SORCS1: variants seen among roughly 807,000 people sequenced by gnomAD.
SORCS1 encodes VPS10 domain-containing receptor SorCS1.
In SORCS1, 60 loss-of-function variants were observed where a neutral mutation model predicts 146.1. The observed-to-expected ratio is 0.41, with a 90% CI of 0.33 to 0.51. The LOEUF (loss-of-function observed/expected upper bound fraction) is 0.51. SORCS1 is among the 20% of genes least tolerant of loss of function. SORCS1 has a pLI of 0.21. For missense variants in SORCS1, 1,352 were observed against 1,487.6 expected, an observed-to-expected ratio of 0.91 and a Z score of 1.50; for synonymous variants, 637 against 584.0, an observed-to-expected ratio of 1.09 and a Z score of -1.31.
At chr10:106,786,620 G>A (rs1014989410) in intron 3 of SORCS1, among the ~76,000 whole-genome samples, 18 of 151,942 alleles carry the variant, frequency 1.2e-4, no homozygotes, top group African/African-American at 4.3e-4. Flanking sequence ...CAGACTTAAT[G>A]GGAGGAAAAA....
intron 24 of SORCS1, among the ~76,000 whole-genome samples, chr10:106,585,831 G>A (rs1845199384): frequency 6.6e-6 from 1 of 152,164 alleles, no homozygotes; most frequent in Non-Finnish European, 1.5e-5. Context: ...AACAGTCAAA[G>A]GATGAAAGGC....
intron 2 of SORCS1, among the ~76,000 whole-genome samples, chr10:106,889,427 C>A (rs1298211934): frequency 6.6e-6 from 1 of 152,108 alleles, no homozygotes; most frequent in African/African-American, 2.4e-5. Flanking sequence ...CCATCCATAA[C>A]AAAAGAGAGC....
intron 1 of SORCS1, among the ~76,000 whole-genome samples, chr10:107,136,983 C>T (rs973379550): frequency 6.6e-6 from 1 of 152,196 alleles, no homozygotes; most frequent in Non-Finnish European, 1.5e-5. Flanking sequence ...CTAGCCCCTA[C>T]TCTAGATAAA....
chr10:107,172,186 T>C, the SORCS1 span, among the ~76,000 whole-genome samples: 2 of 152,232 alleles, frequency 1.3e-5, no homozygotes, highest in Non-Finnish European at 2.9e-5. Flanking sequence ...AACTCACTGA[T>C]ACTTCTAGAT....
chr10:107,025,978 C>G (rs1438509653), intron 1 of SORCS1, among the ~76,000 whole-genome samples: 1 of 152,164 alleles, frequency 6.6e-6, no homozygotes, highest in Non-Finnish European at 1.5e-5. Context: ...AGCCTCCCTT[C>G]ACACAACACA....
chr10:107,129,555 A>G (rs561887508), intron 1 of SORCS1, among the ~76,000 whole-genome samples: 1 of 152,324 alleles, frequency 6.6e-6, no homozygotes, highest in South Asian at 2.1e-4. Context: ...TTAATGTCTT[A>G]ATTAGGAAAA....
chr10:106,814,208 C>T (rs1274795178), intron 3 of SORCS1, among the ~76,000 whole-genome samples: 1 of 152,190 alleles, frequency 6.6e-6, no homozygotes, highest in Non-Finnish European at 1.5e-5. Context: ...AAATGACAAG[C>T]TGAATTATTT....
chr10:106,660,832 T>G (rs1214412753), intron 17 of SORCS1, among the ~76,000 whole-genome samples: 2 of 151,822 alleles, frequency 1.3e-5, no homozygotes, highest in Non-Finnish European at 2.9e-5. Context: ...CCTTCTTCCA[T>G]GAGGAATTAA....
intron 2 of SORCS1, among the ~76,000 whole-genome samples, chr10:106,872,152 G>A (rs1426234155): frequency 3.3e-5 from 5 of 152,212 alleles, no homozygotes. Context: ...AATCAGTTAT[G>A]GAAAATAGAT....
At chr10:107,018,436 T>C (rs1314934119) in intron 1 of SORCS1, among the ~76,000 whole-genome samples, 3 of 152,050 alleles carry the variant, frequency 2.0e-5, no homozygotes, top group South Asian at 2.1e-4. Flanking sequence ...TCCACCCGCC[T>C]TGGCCTCCCA....
At position 106,978,684 on chromosome 10, in the gene SORCS1, G is replaced by A. The variant is rs550949969; in HGVS notation, c.559-22104C>T. Among the ~76,000 whole-genome samples, 24 of 151,948 alleles carry A rather than the reference G, an allele frequency of 1.6e-4. No homozygotes were observed. The East Asian group carries it at 4.5e-3, about 28-fold the overall frequency. On this transcript the variant is annotated intron_variant, in intron 1 of 25. Transcript: ENST00000263054. ...GTGGTGGCGTGCACCCGTAATCCCA[G>A]CTACTCAGGAGGCTGAGGCAGGAGA... is the stretch of plus-strand genomic sequence containing the variant.
At chr10:107,008,020 A>G (rs76879983) in intron 1 of SORCS1, among the ~76,000 whole-genome samples, 34 of 148,224 alleles carry the variant, frequency 2.3e-4, no homozygotes, top group Admixed American at 1.1e-3. Context: ...TTATTTGTCT[A>G]TTGTAGGTTA....
intron 1 of SORCS1, among the ~76,000 whole-genome samples, chr10:106,972,093 C>CGGTG: frequency 1.3e-5 from 2 of 152,142 alleles, no homozygotes; most frequent in Middle Eastern, 3.4e-3. Context: ...AGGCCAGGCA[C>CGGTG]GGTGGTTCAT....
intron 24 of SORCS1, among the ~76,000 whole-genome samples, chr10:106,590,960 T>C (rs1488563077): frequency 6.6e-6 from 1 of 152,162 alleles, no homozygotes; most frequent in East Asian, 1.9e-4. Flanking sequence ...CAGCCCATTA[T>C]AGCTCTTAAG....
At chr10:106,878,902 C>T (rs904601221) in intron 2 of SORCS1, among the ~76,000 whole-genome samples, 3 of 151,460 alleles carry the variant, frequency 2.0e-5, no homozygotes, top group African/African-American at 7.3e-5. Flanking sequence ...AATCCCAGCA[C>T]TTTGGGAAGC....
chr10:106,923,489 A>C (rs1256774657), intron 2 of SORCS1, among the ~76,000 whole-genome samples: 2 of 152,326 alleles, frequency 1.3e-5, no homozygotes, highest in Non-Finnish European at 2.9e-5. Flanking sequence ...AGGCAGCTTG[A>C]TTGTTGGATC....
At chr10:107,056,748 C>A (rs983109703) in intron 1 of SORCS1, among the ~76,000 whole-genome samples, 1 of 152,218 alleles carries the variant, frequency 6.6e-6, no homozygotes, top group African/African-American at 2.4e-5. Flanking sequence ...GTTCTCTGCT[C>A]ACCCAAACTT....
rs114658011 is a variant in SORCS1 at position 106,614,645 on chromosome 10, C to A, written c.2921-2622G>T. ...CACTTTCTCCGTACCTCTTACCAAA[C>A]TGCAGAGACTTCATCCACAAGGGAG... On this transcript the variant is annotated intron_variant, in intron 21 of 25. Coordinates refer to ENST00000263054, the MANE Select transcript of SORCS1 (RefSeq NM_052918.5). 2.2e-3 allele frequency among the ~76,000 whole-genome samples: 333 copies of A among 152,250 alleles called. 2 individuals are homozygous for A. The highest frequency in any genetic ancestry group is 7.2e-3 in the African/African-American group (301 of 41,544).
At chr10:106,750,684 G>C (rs1397940989) in intron 5 of SORCS1, among the ~76,000 whole-genome samples, 2 of 117,294 alleles carry the variant, frequency 1.7e-5, no homozygotes, top group African/African-American at 6.5e-5. Context: ...AGCCGAGATC[G>C]CACCACTGCA....
Sources: gnomAD v4.1 joint callset for allele counts (sites outside exome capture counted in the v4.1 genomes callset) on GRCh38, gnomAD v4.1.1 for gene constraint, MANE v1.5 for transcripts, NCBI Gene and HGNC (gene_info 2026-07-23, HGNC 2026-07-21) for gene names.